GLIS1: variants seen among roughly 807,000 people sequenced by gnomAD.
GLIS1 encodes GLIS family zinc finger 1, also known as zinc finger protein GLIS1.
Under a neutral mutation model 63.8 loss-of-function variants are expected in GLIS1, and 24 were observed. The ratio of observed to expected loss-of-function variants is 0.38; its 90% CI spans 0.27 to 0.53. The LOEUF (loss-of-function observed/expected upper bound fraction) is 0.53, where lower values mean the gene tolerates loss of function less well. GLIS1 is among the 20% of genes least tolerant of loss of function. The probability of loss-of-function intolerance (pLI) is 0.85; values close to 1 mark genes in which losing one functional copy is unlikely to be tolerated. For synonymous variants in GLIS1, 450 were observed against 482.5 expected (o/e 0.93, Z 0.88); for missense variants, 1,036 against 1,074.1 (o/e 0.96, Z 0.50).
chr1:53,736,042 C>T (rs569561449), intron 2 of GLIS1, among the ~76,000 whole-genome samples: 3 of 152,336 alleles, frequency 2.0e-5, no homozygotes, highest in Non-Finnish European at 4.4e-5. Flanking sequence ...GCCTCAGTTT[C>T]CTCACCCTTC....
chr1:53,668,535 T>C (rs986540151), intron 2 of GLIS1, among the ~76,000 whole-genome samples: 4 of 152,128 alleles, frequency 2.6e-5, no homozygotes, highest in African/African-American at 9.6e-5. Context: ...CTAATTTTTG[T>C]ATATTTAGTA....
At chr1:53,703,671 C>T (rs1429564817) in intron 2 of GLIS1, among the ~76,000 whole-genome samples, 1 of 150,192 alleles carries the variant, frequency 6.7e-6, no homozygotes, top group Non-Finnish European at 1.5e-5. Flanking sequence ...AGCATGAGTC[C>T]TTACTTTTCC....
intron 7 of GLIS1, among the ~76,000 whole-genome samples, chr1:53,516,382 G>A (rs1316896176): frequency 1.3e-5 from 2 of 152,184 alleles, no homozygotes; most frequent in African/African-American, 2.4e-5. Context: ...GCAGGGAACC[G>A]AGCAGGGCTG....
At chr1:53,629,541 G>A (rs897461122) in intron 2 of GLIS1, among the ~76,000 whole-genome samples, 2 of 152,144 alleles carry the variant, frequency 1.3e-5, no homozygotes, top group African/African-American at 2.4e-5. Flanking sequence ...GGGCATGGCT[G>A]GGCATCTTGT....
rs138875493 is a variant in GLIS1 at position 53,654,640 on chromosome 1, C to T, written c.260-54362G>A. ...GAAGCGGAGGGGGAAACTCGGAGAGCGCAGTGTCTGGAGAACAAAGTGATG... is the reference window on the plus strand; with the variant it reads ...GAAGCGGAGGGGGAAACTCGGAGAGTGCAGTGTCTGGAGAACAAAGTGATG... On this transcript the variant is annotated intron_variant, in intron 2 of 10. Coordinates refer to ENST00000628545, the MANE Select transcript of GLIS1 (RefSeq NM_001367484.1). Among the ~76,000 whole-genome samples the T allele has an allele frequency of 1.0e-3, 153 of 152,246 alleles. 1 individual carries two copies. Among genetic ancestry groups the T allele is most frequent in the African/African-American group, 3.4e-3 (140 of 41,566 alleles).
intron 2 of GLIS1, chr1:53,734,332 T>A: frequency 9.3e-6 from 3 of 322,794 alleles, no homozygotes; most frequent in Non-Finnish European, 1.3e-5. Flanking sequence ...GCATAGATAC[T>A]AGTTACCAAT....
intron 2 of GLIS1, among the ~76,000 whole-genome samples, chr1:53,722,665 A>G (rs1218022948): frequency 6.6e-6 from 1 of 151,808 alleles, no homozygotes; most frequent in Non-Finnish European, 1.5e-5. Context: ...ACATGGTAAA[A>G]CCCTGTCTCT....
chr1:53,632,293 AG>A (rs1425471171), intron 2 of GLIS1, among the ~76,000 whole-genome samples: 2 of 133,040 alleles, frequency 1.5e-5, no homozygotes, highest in Admixed American at 7.4e-5. Flanking sequence ...ACTGAGGAGA[AG>A]GGAGAGTAAG....
At chr1:53,720,116 C>T (rs569402546) in intron 2 of GLIS1, among the ~76,000 whole-genome samples, 2 of 152,318 alleles carry the variant, frequency 1.3e-5, no homozygotes, top group East Asian at 3.9e-4. Flanking sequence ...CCAGAGGTTG[C>T]AATGAGCCAA....
chr1:53,599,513 CT>C (rs1223711094), intron 3 of GLIS1, among the ~76,000 whole-genome samples: 2 of 152,256 alleles, frequency 1.3e-5, no homozygotes, highest in Non-Finnish European at 2.9e-5. Context: ...ACATAAATTC[CT>C]TTTCTTTATA....
intron 8 of GLIS1, among the ~76,000 whole-genome samples, chr1:53,510,807 C>T (rs1217061547): frequency 2.0e-5 from 3 of 152,306 alleles, no homozygotes; most frequent in South Asian, 2.1e-4. Context: ...AGGAACCTTC[C>T]GTTTCCAGCC....
In GLIS1 at chr1:53,560,177, G is replaced by T. The variant is rs1644871426; in HGVS notation, c.1321-30225C>A. 6.6e-6 allele frequency among the ~76,000 whole-genome samples: 1 copy of T among 152,224 alleles called. No individual in the cohort carries two copies. Among genetic ancestry groups the T allele is most frequent in the Non-Finnish European group, 1.5e-5 (1 of 68,036 alleles). ...GCCTCCTTGATGAAGATACAGAAAT[G>T]AATCCAATACGAAGCTGGAGTGGCC... is the stretch of plus-strand genomic sequence containing the variant. On this transcript the variant is annotated intron_variant, in intron 4 of 10. Coordinates refer to ENST00000628545, the MANE Select transcript of GLIS1 (RefSeq NM_001367484.1). The surrounding 1 kb of genome is among the most constrained non-coding windows in gnomAD (Gnocchi z 4.4).
chr1:53,533,833 C>T (rs1293532315), intron 4 of GLIS1, among the ~76,000 whole-genome samples: 3 of 152,132 alleles, frequency 2.0e-5, no homozygotes, highest in Non-Finnish European at 2.9e-5. Flanking sequence ...GGGATGAGAG[C>T]GACCATCAGT....
chr1:53,556,025 GGTGTATTGCAGGT>G (rs929606338), intron 4 of GLIS1, among the ~76,000 whole-genome samples: 1 of 97,238 alleles, frequency 1.0e-5, no homozygotes, highest in Non-Finnish European at 1.9e-5. Flanking sequence ...TGTGTGTGCA[GGTGTATTGCAGGT>G]GTGTGTGTGT....
intron 2 of GLIS1, among the ~76,000 whole-genome samples, chr1:53,654,743 A>G (rs1323542939): frequency 6.6e-6 from 1 of 152,188 alleles, no homozygotes; most frequent in Non-Finnish European, 1.5e-5. Flanking sequence ...CAGCCCGGCC[A>G]GCCCTCCAGC....
chr1:53,619,779 G>T (rs1645521870), intron 2 of GLIS1, among the ~76,000 whole-genome samples: 1 of 152,236 alleles, frequency 6.6e-6, no homozygotes, highest in Non-Finnish European at 1.5e-5. Flanking sequence ...CCACTGTAAG[G>T]TGGCAGGACT....
chr1:53,602,518 TG>T (rs1428979522), intron 2 of GLIS1, among the ~76,000 whole-genome samples: 1 of 152,226 alleles, frequency 6.6e-6, no homozygotes, highest in African/African-American at 2.4e-5. Flanking sequence ...TCTGGGGCCT[TG>T]GGTTACTCCT....
chr1:53,711,212 A>G (rs1415493038), intron 2 of GLIS1, among the ~76,000 whole-genome samples: 1 of 152,146 alleles, frequency 6.6e-6, no homozygotes, highest in Admixed American at 6.5e-5. Context: ...AAACTAAGGA[A>G]GTAACTTGCT....
At chr1:53,665,989 A>G (rs1396304414) in intron 2 of GLIS1, among the ~76,000 whole-genome samples, 2 of 152,192 alleles carry the variant, frequency 1.3e-5, no homozygotes, top group African/African-American at 4.8e-5. Flanking sequence ...TTTAATCCTC[A>G]TGACAATCCT....
Sources: gnomAD v4.1 joint callset for allele counts (sites outside exome capture counted in the v4.1 genomes callset) on GRCh38, gnomAD v4.1.1 for gene constraint, Gnocchi (gnomAD v3.1) non-coding constraint, MANE v1.5 for transcripts, NCBI Gene and HGNC (gene_info 2026-07-23, HGNC 2026-07-21) for gene names.